Variants in NEB observed in about 807,000 individuals in gnomAD.
The protein encoded by NEB is nebulin, also known as nemaline myopathy type 2.
Under a neutral mutation model 952.2 loss-of-function variants are expected in NEB, and 512 were observed. That is an observed-to-expected ratio of 0.54 (90% CI 0.50 to 0.58). NEB has a LOEUF of 0.58. Ranked by LOEUF, NEB falls within the 20% of genes least tolerant of loss-of-function variation. The pLI, the probability that NEB is intolerant of heterozygous loss-of-function variation, is 0.00. For synonymous variants in NEB, 2,900 were observed against 3,149.8 expected (o/e 0.92, Z 2.66); for missense variants, 8,428 against 9,231.1 (o/e 0.91, Z 3.56).
At chr2:151,690,458 A>G (rs2099539544) in intron 24 of NEB, 3 of 346,518 alleles carry the variant, frequency 8.7e-6, no homozygotes, top group Admixed American at 4.2e-5. Flanking sequence ...TTTAGTGTGC[A>G]TGTGACAGAT....
At chr2:151,635,524 T>C (rs936060925) in intron 64 of NEB, among the ~76,000 whole-genome samples, 10 of 152,022 alleles carry the variant, frequency 6.6e-5, no homozygotes, top group African/African-American at 2.4e-4. Context: ...CTGGCCAACA[T>C]GGTGAAAACC....
chr2:151,551,957 T>G, intron 128 of NEB, 112 bp from the exon 129 acceptor site: 1 of 696,170 alleles, frequency 1.4e-6, no homozygotes, highest in Non-Finnish European at 2.4e-6. Context: ...ATCTGACACA[T>G]TACTGTGGCT....
rs566604130 is a variant in NEB, at chr2:151,666,182, C to T, written c.4939G>A (p.Ala1647Thr). 2.0e-5 allele frequency: 33 copies of T among 1,613,900 alleles called. No homozygotes were observed. The highest frequency in any genetic ancestry group is 6.6e-5 in the South Asian group (6 of 91,084). Reference protein sequence around the residue: ...AKKSQEVATNANYRQSYHHYT... With the variant: ...AKKSQEVATNTNYRQSYHHYT... The stretch of plus-strand genomic sequence containing the variant: ...TGGTGGTATGACTGTCTGTAGTTGG[C>T]GTTGGTGGCAACCTCCTGAGATTTC... The change falls in exon 41 of 182, where the codon GCC becomes ACC. Residue 1647 changes from alanine (A) to threonine (T), a missense_variant. By Grantham distance (58) the Ala-to-Thr change is moderately conservative. This residue lies in a region of NEB where 2,851 missense variants were observed against 2,791.5 expected (regional missense o/e 1.02). Transcript: ENST00000397345.
rs143720079 is a variant in NEB at position 151,571,862 on chromosome 2, T to C, written c.17014-1261A>G. ...AAGTGGATTTTAATTAGTGACAGTTTTGTAGCTTTTGCATGTCTGAAAAAT... is the reference window on the plus strand; with the variant it reads ...AAGTGGATTTTAATTAGTGACAGTTCTGTAGCTTTTGCATGTCTGAAAAAT... On this transcript the variant is annotated intron_variant, in intron 107 of 181. Coordinates refer to ENST00000397345, the MANE Select transcript of NEB (RefSeq NM_001164508.2). Among the ~76,000 whole-genome samples, 18 of 152,350 alleles carry C rather than the reference T, an allele frequency of 1.2e-4. 1 individual carries two copies. The East Asian group carries it at 3.3e-3, about 28-fold the overall frequency.
intron 116 of NEB, 144 bp from the exon 117 acceptor site, chr2:151,565,292 A>T: frequency 1.5e-6 from 1 of 665,616 alleles, no homozygotes; most frequent in South Asian, 2.1e-5. Flanking sequence ...AAAACAATAG[A>T]ATAATTTGGA....
chr2:151,607,625 A>C lies in NEB; in HGVS notation c.12535-17T>G. Reference sequence around the variant, plus strand: ...ATACAGTTTCTGTGGAGAGGAGGGAAATAGGGAATCAATATCTGAAACATT... The same window carrying C: ...ATACAGTTTCTGTGGAGAGGAGGGACATAGGGAATCAATATCTGAAACATT... On this transcript the variant is annotated splice_polypyrimidine_tract_variant and intron_variant, in intron 82 of 181. Coordinates refer to ENST00000397345, the MANE Select transcript of NEB (RefSeq NM_001164508.2). 2.1e-6 allele frequency: 1 copy of C among 473,764 alleles called. No individual in the cohort carries two copies. Among genetic ancestry groups the C allele is most frequent in the Middle Eastern group, 5.3e-4 (1 of 1,870 alleles). The allele number at this position is 473,764 out of a possible 1,614,324, so 29.3% of individuals were successfully genotyped here.
chr2:151,487,777 A>G (rs2052248017), intron 181 of NEB, among the ~76,000 whole-genome samples: 1 of 152,088 alleles, frequency 6.6e-6, no homozygotes, highest in Non-Finnish European at 1.5e-5. Context: ...ATATATATAT[A>G]TGTATAAAAT....
At chr2:151,492,583 G>T in intron 176 of NEB, 89 bp from the exon 177 acceptor site, 1 of 956,250 alleles carries the variant, frequency 1.0e-6, no homozygotes, top group Non-Finnish European at 1.6e-6. Flanking sequence ...ATAGGAGCTG[G>T]TGAGGGACGC....
chr2:151,645,358 A>C (rs1489319040), intron 55 of NEB, among the ~76,000 whole-genome samples: 2 of 152,250 alleles, frequency 1.3e-5, no homozygotes, highest in Non-Finnish European at 2.9e-5. Context: ...GGGACCATCC[A>C]AAATAGGATC....
At position 151,529,213 on chromosome 2, in the gene NEB, G is replaced by A. The variant is rs1360630626; in HGVS notation, c.21732C>T (p.Thr7244=). 5 of 1,602,404 alleles carry A rather than the reference G, an allele frequency of 3.1e-6. No homozygotes were observed. Residue 7244 remains threonine (T), a synonymous_variant, in exon 146 of 182, where the codon ACC becomes ACT. Coordinates refer to ENST00000397345, the MANE Select transcript of NEB (RefSeq NM_001164508.2). ...KAAKDAYKVN[T]NLDYKKQYEA... ...TGGGGAAGTTTCTGGAACTTACATT[G>A]GTGTTGACTTTGTAGGCGTCCTTGG...
intron 65 of NEB, 149 bp from the exon 66 acceptor site, chr2:151,631,495 C>T (rs1031028303): frequency 3.5e-6 from 3 of 852,838 alleles, no homozygotes; most frequent in Non-Finnish European, 1.7e-6. Flanking sequence ...GAATTATGCT[C>T]AAAAATGACC....
Position 151,642,864 on chromosome 2 carries a change from G to A in NEB, c.8166C>T (p.Leu2722=). 2.5e-6 allele frequency: 4 copies of A among 1,602,586 alleles called. No individual in the cohort carries two copies. In the South Asian group the frequency reaches 4.5e-5, roughly 18 times the overall value. The part of the protein sequence containing the change: ...KNNAITMNHR[L]YTEAWDKDKT... Reference sequence around the variant, plus strand: ...TATCTTTATCCCAAGCTTCTGTATAGAGGCGCTAAGAGAAACAGAAAAACA... The same window carrying A: ...TATCTTTATCCCAAGCTTCTGTATAAAGGCGCTAAGAGAAACAGAAAAACA... Residue 2722 remains leucine (L), a synonymous_variant, in exon 59 of 182, where the codon CTC becomes CTT. Coordinates refer to ENST00000397345, the MANE Select transcript of NEB (RefSeq NM_001164508.2).
Position 151,610,783 on chromosome 2 carries a change from A to T in NEB, c.11889T>A (p.Ser3963Arg), listed in dbSNP as rs773708904. Residue 3963 changes from serine (S) to arginine (R), a missense_variant, in exon 79 of 182, where the codon AGT (serine) becomes AGA (arginine). Ser to Arg is a moderately radical substitution (Grantham distance 110). Transcript: ENST00000397345. ...TTACTTGGCTGATATTGGCAGAATT[A>T]CTCTTGGCCAGCAGGATATCTGGGG... Reference protein sequence around the residue: ...PDTPDILLAKSNSANISQKLY... With the variant: ...PDTPDILLAKRNSANISQKLY... 46 of 1,608,782 alleles carry T rather than the reference A, an allele frequency of 2.9e-5. No homozygotes were observed. The highest frequency in any genetic ancestry group is 3.8e-5 in the Non-Finnish European group (45 of 1,177,184).
At chr2:151,550,226 C>T (rs987970379) in intron 129 of NEB, among the ~76,000 whole-genome samples, 14 of 142,880 alleles carry the variant, frequency 9.8e-5, no homozygotes, top group African/African-American at 2.1e-4. Context: ...GTGATTGCAC[C>T]GTTGCACTCC....
At position 151,568,053 on chromosome 2, in the gene NEB, C is replaced by T. The variant is rs781160579; in HGVS notation, c.17844+18G>A. ...AGGTCCCACTTTTGCAAAATGCACT[C>T]CCATCAGGATGTATTACCTCACTCT... On this transcript the variant is annotated intron_variant, in intron 113 of 181. Coordinates refer to ENST00000397345, the MANE Select transcript of NEB (RefSeq NM_001164508.2). 6.2e-7 allele frequency: 1 copy of T among 1,600,852 alleles called. No individual in the cohort carries two copies. Among genetic ancestry groups the T allele is most frequent in the Admixed American group, 1.7e-5 (1 of 59,450 alleles).
intron 156 of NEB, 54 bp downstream of exon 156, chr2:151,518,264 A>T: frequency 7.8e-7 from 1 of 1,287,236 alleles, no homozygotes; most frequent in South Asian, 1.2e-5. Flanking sequence ...TTTTTTTCAC[A>T]TTGTACTGTG....
At position 151,633,824 on chromosome 2, in the gene NEB, A is replaced by T. The variant is rs746260372; in HGVS notation, c.9244T>A (p.Trp3082Arg). 23 of 1,613,804 alleles carry T rather than the reference A, an allele frequency of 1.4e-5. No homozygotes were observed. The highest frequency in any genetic ancestry group is 1.9e-5 in the Non-Finnish European group (23 of 1,179,858). ...ACTGGGCTGCTGAACTTGGTCTTCCACTTCTCAAAGTCCTTTTTGTACTCC... is the reference window on the plus strand; with the variant it reads ...ACTGGGCTGCTGAACTTGGTCTTCCTCTTCTCAAAGTCCTTTTTGTACTCC... The part of the protein sequence containing the change: ...DREYKKDFEK[W>R]KTKFSSPVDM... The change falls in exon 65 of 182, where the codon TGG (tryptophan) becomes AGG (arginine). Residue 3082 changes from tryptophan to arginine, a missense_variant. By Grantham distance (101) the Trp-to-Arg change is moderately radical. Around this residue, in one of 11 missense-constraint regions of NEB, gnomAD observed 1,772 missense variants for 1,960.3 expected, o/e 0.90. Transcript: ENST00000397345.
rs2095414762 is a variant in NEB, at chr2:151,552,769, T to C, written c.19739A>G (p.Tyr6580Cys). The C allele has an allele frequency of 6.2e-7, 1 of 1,611,356 alleles. No individual in the cohort carries two copies. Among genetic ancestry groups the C allele is most frequent in the South Asian group, 1.1e-5 (1 of 90,682 alleles). ...HAYDLRDDIK[Y>C]KAHMLKTRND... ...CCTTGTTTTCAACATGTGAGCTTTA[T>C]ACTTGATCTGCCGAGAGGAAGAAAA... The change falls in exon 128 of 182, where the codon TAT becomes TGT. Residue 6580 changes from tyrosine (Y) to cysteine (C), a missense_variant. By Grantham distance (194) the Tyr-to-Cys change is radical. Around this residue, in one of 11 missense-constraint regions of NEB, gnomAD observed 3,374 missense variants for 3,651.5 expected, o/e 0.92. Transcript: ENST00000397345.
Position 151,545,957 on chromosome 2 carries a change from G to C in NEB, c.20508C>G (p.Asp6836Glu). Residue 6836 changes from aspartate to glutamate, a missense_variant, in exon 135 of 182, where the codon GAC becomes GAG. Physicochemically the swap from Asp to Glu is conservative, Grantham distance 45 (BLOSUM62 2). This residue lies in a region of NEB where 3,374 missense variants were observed against 3,651.5 expected (regional missense o/e 0.92). Transcript: ENST00000397345. ...LYTDKARKMR[D>E]KYKVVLDTPE... ...GAGTGTCAAGCACCACTTTGTATTT[G>C]TCTCGCATCTTCCTTGCCTTATCAG... The C allele has an allele frequency of 6.3e-7, 1 of 1,599,420 alleles. No homozygotes were observed. The highest frequency in any genetic ancestry group is 8.5e-7 in the Non-Finnish European group (1 of 1,172,618).
Sources: gnomAD v4.1 joint callset for allele counts (sites outside exome capture counted in the v4.1 genomes callset) on GRCh38, gnomAD v4.1.1 for gene constraint, gnomAD v4.1.1 regional missense constraint, MANE v1.5 for transcripts, NCBI Gene and HGNC (gene_info 2026-07-23, HGNC 2026-07-21) for gene names.